Variants in TANC2 observed in about 807,000 individuals in gnomAD.
TANC2 encodes the protein protein TANC2.
Under a neutral mutation model 210.5 loss-of-function variants are expected in TANC2, and 26 were observed. The ratio of observed to expected loss-of-function variants is 0.12; its 90% CI spans 0.09 to 0.17. The LOEUF is 0.17. Ranked by LOEUF, TANC2 falls within the 10% of genes least tolerant of loss-of-function variation. The pLI, the probability that TANC2 is intolerant of heterozygous loss-of-function variation, is 1.00. For synonymous variants in TANC2, 931 were observed against 967.1 expected (o/e 0.96, Z 0.69); for missense variants, 2,129 against 2,608.9 (o/e 0.82, Z 4.01).
At chr17:63,161,148 G>C (rs957196517) in intron 5 of TANC2, among the ~76,000 whole-genome samples, 1 of 152,216 alleles carries the variant, frequency 6.6e-6, no homozygotes, top group South Asian at 2.1e-4. Flanking sequence ...TAACCATTGT[G>C]AAATAAAATG....
chr17:63,354,761 T>TTC (rs1159962889), intron 13 of TANC2, 22 bp from the exon 14 acceptor site: 3 of 1,536,854 alleles, frequency 2.0e-6, no homozygotes, highest in Admixed American at 4.4e-5. Context: ...TTCTGTCTCT[T>TTC]TCTCTCTCTC....
Position 63,363,784 on chromosome 17 carries a change from G to A in TANC2, c.2582+8394G>A, listed in dbSNP as rs1184322026. Reference sequence around the variant, plus strand: ...AGTATAATTTGAAGTCAGGCAATATGATTCCTCCAGTTTTGTTCTTGCTTA... The same window carrying A: ...AGTATAATTTGAAGTCAGGCAATATAATTCCTCCAGTTTTGTTCTTGCTTA... On this transcript the variant is annotated intron_variant, in intron 14 of 27. Coordinates refer to ENST00000689528, the Ensembl canonical transcript of TANC2. Among the ~76,000 whole-genome samples, 3 of 152,186 alleles carry A rather than the reference G, an allele frequency of 2.0e-5. No individual in the cohort carries two copies. The East Asian group carries it at 5.8e-4, about 29-fold the overall frequency.
rs78311620 is a variant in TANC2, at chr17:63,237,355, A to G, written c.770-459A>G. 3.9e-3 allele frequency among the ~76,000 whole-genome samples: 596 copies of G among 152,142 alleles called. 7 individuals carry two copies. The highest frequency in any genetic ancestry group is 0.014 in the African/African-American group (566 of 41,522). ...TTGTTGAGTTGTTTGAGTTCCTTGTATATTCTTAATGTTAGTCCTGTCAGA... is the reference window on the plus strand; with the variant it reads ...TTGTTGAGTTGTTTGAGTTCCTTGTGTATTCTTAATGTTAGTCCTGTCAGA... On this transcript the variant is annotated intron_variant, in intron 7 of 27. Coordinates refer to ENST00000689528, the Ensembl canonical transcript of TANC2.
chr17:63,076,807 C>T (rs1050061003), intron 3 of TANC2, among the ~76,000 whole-genome samples: 5 of 152,034 alleles, frequency 3.3e-5, no homozygotes, highest in South Asian at 2.1e-4. Context: ...CCAAAAGCTT[C>T]GTAGAATTAT....
rs553176863 is a variant in TANC2, at chr17:63,274,387, ATAGAAG to A, written c.1159+6515_1159+6520del. On this transcript the variant is annotated intron_variant, in intron 9 of 27. Transcript: ENST00000689528. ...AGCTTGAATACTAATGATAAAAGTC[ATAGAAG>A]ATTGTGTACTAGTACAGAGTATATA... 2.9e-3 allele frequency among the ~76,000 whole-genome samples: 441 copies of A among 152,304 alleles called. 1 individual carries two copies. Among genetic ancestry groups the A allele is most frequent in the African/African-American group, 0.01 (423 of 41,568 alleles).
chr17:63,059,882 T>G (rs2035934145), intron 2 of TANC2, among the ~76,000 whole-genome samples: 1 of 152,212 alleles, frequency 6.6e-6, no homozygotes, highest in Non-Finnish European at 1.5e-5. Context: ...TCCGGGTTTC[T>G]TTTAATGGAG....
At chr17:62,970,137 T>C (rs1358976743) in intron 1 of TANC2, among the ~76,000 whole-genome samples, 2 of 152,336 alleles carry the variant, frequency 1.3e-5, no homozygotes, top group African/African-American at 4.8e-5. Context: ...TGCCATTCTT[T>C]TTCAACAGAA....
chr17:63,191,899 C>T (rs1045340538), intron 5 of TANC2, among the ~76,000 whole-genome samples: 20 of 152,194 alleles, frequency 1.3e-4, no homozygotes, highest in South Asian at 4.1e-4. Context: ...ACTGTTTCTA[C>T]TTTATTCCAC....
chr17:63,322,569 TTCAG>T (rs1436998053), intron 11 of TANC2, among the ~76,000 whole-genome samples: 1 of 152,250 alleles, frequency 6.6e-6, no homozygotes, highest in Non-Finnish European at 1.5e-5. Context: ...ACTTCAGTTA[TTCAG>T]TCATTCAGTT....
At chr17:63,135,839 A>G (rs118095449) in intron 4 of TANC2, among the ~76,000 whole-genome samples, 4,115 of 152,302 alleles carry the variant, frequency 0.027, 68 homozygotes, top group Non-Finnish European at 0.039. Context: ...TATATTGTCA[A>G]AAACCTAGTA....
rs537608207 is a variant in TANC2 at position 63,396,099 on chromosome 17, C to CA, written c.3237+174dup. On this transcript the variant is annotated intron_variant, in intron 18 of 27. Coordinates refer to ENST00000689528, the Ensembl canonical transcript of TANC2. Reference sequence around the variant, plus strand: ...TCCATGAAGCACTTTACTCAAATGCCAAAGTCCCTCAAATTATAGGTATAG... The same window carrying CA: ...TCCATGAAGCACTTTACTCAAATGCCAAAAGTCCCTCAAATTATAGGTATAG... 61 of 617,926 alleles carry CA rather than the reference C, an allele frequency of 9.9e-5. No individual in the cohort carries two copies. In the African/African-American group the frequency reaches 1.1e-3, roughly 11 times the overall value. 38.3% of individuals were successfully genotyped at this position (617,926 alleles called of 1,614,324 possible). A position where few individuals can be genotyped will look rare whatever the true frequency, so the allele number is the denominator to read the frequency against.
intron 7 of TANC2, among the ~76,000 whole-genome samples, chr17:63,215,590 C>T (rs1313352496): frequency 6.6e-6 from 1 of 152,082 alleles, no homozygotes. Context: ...GTAGTGAAAC[C>T]TCCATTTTAA....
chr17:63,264,126 A>C (rs897361588), intron 8 of TANC2, among the ~76,000 whole-genome samples: 1 of 152,202 alleles, frequency 6.6e-6, no homozygotes, highest in Non-Finnish European at 1.5e-5. Flanking sequence ...ATTCTTTCAT[A>C]ATGTTGGCAG....
chr17:63,297,942 CT>C (rs1316978863), intron 9 of TANC2, among the ~76,000 whole-genome samples: 1 of 151,896 alleles, frequency 6.6e-6, no homozygotes, highest in Non-Finnish European at 1.5e-5. Context: ...AGATGTCTAG[CT>C]TATGAAAAGA....
intron 24 of TANC2, chr17:63,413,246 A>G (rs1306001102): frequency 1.0e-5 from 3 of 289,496 alleles, no homozygotes; most frequent in Non-Finnish European, 1.9e-5. Flanking sequence ...TTCCTTATTT[A>G]AAATAATTCC....
chr17:62,968,001 A>T (rs966564168), intron 1 of TANC2, among the ~76,000 whole-genome samples: 2 of 152,158 alleles, frequency 1.3e-5, no homozygotes, highest in African/African-American at 4.8e-5. Flanking sequence ...CTGTATCTAG[A>T]TATTTATTTA....
chr17:63,008,207 A>G (rs1167145587), intron 1 of TANC2, among the ~76,000 whole-genome samples: 1 of 152,084 alleles, frequency 6.6e-6, no homozygotes, highest in East Asian at 1.9e-4. Flanking sequence ...AGCTTCTTTC[A>G]GATATGGCTT....
intron 7 of TANC2, among the ~76,000 whole-genome samples, chr17:63,235,631 A>G (rs2042599878): frequency 6.6e-6 from 1 of 152,016 alleles, no homozygotes; most frequent in Admixed American, 6.5e-5. Flanking sequence ...TTTATAATTC[A>G]TCTTCTTCCC....
intron 11 of TANC2, among the ~76,000 whole-genome samples, chr17:63,330,589 T>C (rs928070835): frequency 2.6e-5 from 4 of 152,244 alleles, no homozygotes; most frequent in African/African-American, 7.2e-5. Flanking sequence ...ATAATTCATC[T>C]AATGCATTCA....
Sources: gnomAD v4.1 joint callset for allele counts (sites outside exome capture counted in the v4.1 genomes callset) on GRCh38, gnomAD v4.1.1 for gene constraint, MANE v1.5 for transcripts, NCBI Gene and HGNC (gene_info 2026-07-23, HGNC 2026-07-21) for gene names.